The following NCALD variants were observed in gnomAD, a reference collection of about 807,000 sequenced individuals.
NCALD encodes neurocalcin-delta.
In NCALD, 10 loss-of-function variants were observed where a neutral mutation model predicts 18.6. The observed-to-expected ratio is 0.54, with a 90% CI of 0.33 to 0.91. The LOEUF (loss-of-function observed/expected upper bound fraction) is 0.91. NCALD is among the 40% of genes least tolerant of loss of function. The pLI, the probability that NCALD is intolerant of heterozygous loss-of-function variation, is 0.03. For synonymous variants in NCALD, 88 were observed against 87.4 expected, an observed-to-expected ratio of 1.01 and a Z score of -0.04; for missense variants, 184 against 247.6, an observed-to-expected ratio of 0.74 and a Z score of 1.72.
intron 4 of NCALD, among the ~76,000 whole-genome samples, chr8:101,851,958 T>C (rs1301838634): frequency 6.6e-6 from 1 of 152,150 alleles, no homozygotes; most frequent in Non-Finnish European, 1.5e-5. Context: ...CTTATAAAAC[T>C]GGATGAAGGG....
chr8:102,049,884 C>T (rs1823371887), intron 1 of NCALD, among the ~76,000 whole-genome samples: 1 of 151,924 alleles, frequency 6.6e-6, no homozygotes, highest in South Asian at 2.1e-4. Flanking sequence ...TGTTTTCGGC[C>T]GGGCGCGGTG....
intron 4 of NCALD, among the ~76,000 whole-genome samples, chr8:101,862,080 T>C (rs1057307185): frequency 3.3e-5 from 5 of 152,242 alleles, no homozygotes; most frequent in Admixed American, 6.5e-5. Flanking sequence ...GACTGTTGCA[T>C]TCCATGATAC....
intron 2 of NCALD, among the ~76,000 whole-genome samples, chr8:101,711,096 A>C (rs1254824322): frequency 6.6e-6 from 1 of 152,200 alleles, no homozygotes; most frequent in East Asian, 1.9e-4. Flanking sequence ...GCTATTCTGC[A>C]GCCTCTGCTG....
intron 2 of NCALD, among the ~76,000 whole-genome samples, chr8:101,705,516 C>T (rs987269180): frequency 3.3e-5 from 5 of 152,074 alleles, no homozygotes; most frequent in Admixed American, 1.3e-4. Context: ...CTGCCTTTCT[C>T]GAGGTAAACT....
intron 1 of NCALD, among the ~76,000 whole-genome samples, chr8:102,035,705 G>A (rs1433868508): frequency 6.6e-6 from 1 of 152,082 alleles, no homozygotes; most frequent in Non-Finnish European, 1.5e-5. Flanking sequence ...TGAACCAAAA[G>A]ATTCTCTCCC....
intron 3 of NCALD, among the ~76,000 whole-genome samples, chr8:101,889,928 C>A (rs1286002468): frequency 6.6e-6 from 1 of 152,130 alleles, no homozygotes; most frequent in Non-Finnish European, 1.5e-5. Context: ...GAAGAAAATA[C>A]AGGGAAACAT....
intron 1 of NCALD, among the ~76,000 whole-genome samples, chr8:102,036,984 T>A (rs932179703): frequency 6.6e-6 from 1 of 152,018 alleles, no homozygotes; most frequent in African/African-American, 2.4e-5. Flanking sequence ...AAGAAAAAAA[T>A]TTTTAGTCGG....
At chr8:101,808,013 T>C (rs968717144) in intron 4 of NCALD, among the ~76,000 whole-genome samples, 2 of 151,744 alleles carry the variant, frequency 1.3e-5, no homozygotes, top group African/African-American at 2.4e-5. Context: ...TTTGAACAAA[T>C]TAATAAAAGT....
At chr8:101,927,079 T>C (rs1463713477) in intron 2 of NCALD, among the ~76,000 whole-genome samples, 1 of 152,108 alleles carries the variant, frequency 6.6e-6, no homozygotes, top group Admixed American at 6.5e-5. Flanking sequence ...TGCAGTCACT[T>C]CCCACCAGGG....
intron 2 of NCALD, among the ~76,000 whole-genome samples, chr8:101,941,442 G>T (rs1435825704): frequency 6.6e-6 from 1 of 152,200 alleles, no homozygotes; most frequent in Non-Finnish European, 1.5e-5. Context: ...GGGCAACCTG[G>T]TTCCTAACAG....
intron 4 of NCALD, among the ~76,000 whole-genome samples, chr8:101,854,139 G>T (rs778433027): frequency 6.6e-6 from 1 of 152,194 alleles, no homozygotes; most frequent in South Asian, 2.1e-4. Context: ...TACTCAGAAA[G>T]GAGAGAGTAT....
chr8:102,110,296 A>G (rs1213350819), intron 1 of NCALD, among the ~76,000 whole-genome samples: 1 of 152,250 alleles, frequency 6.6e-6, no homozygotes, highest in Non-Finnish European at 1.5e-5. Context: ...AAAATTAGGA[A>G]GAGAAGAAAT....
At chr8:101,924,901 G>C (rs1295397595) in intron 2 of NCALD, among the ~76,000 whole-genome samples, 2 of 152,098 alleles carry the variant, frequency 1.3e-5, no homozygotes, top group Admixed American at 1.3e-4. Context: ...AGAGGATTCA[G>C]GCTTCCCTTA....
intron 4 of NCALD, among the ~76,000 whole-genome samples, chr8:101,856,248 T>A (rs1815316474): frequency 1.3e-5 from 2 of 152,174 alleles, no homozygotes; most frequent in African/African-American, 4.8e-5. Flanking sequence ...CTTGACTCAC[T>A]GCAACCTCCA....
intron 2 of NCALD, among the ~76,000 whole-genome samples, chr8:101,981,814 TC>T (rs1267484156): frequency 2.6e-5 from 4 of 152,186 alleles, no homozygotes; most frequent in African/African-American, 9.7e-5. Context: ...GTAGTTCACG[TC>T]CTTATTTTGG....
intron 4 of NCALD, among the ~76,000 whole-genome samples, chr8:101,796,411 G>A (rs1330450780): frequency 6.6e-6 from 1 of 152,082 alleles, no homozygotes; most frequent in African/African-American, 2.4e-5. Flanking sequence ...TCATCAGACA[G>A]GGACTTTAAA....
chr8:101,721,058 A>T (rs999536456), intron 1 of NCALD, among the ~76,000 whole-genome samples: 1 of 152,166 alleles, frequency 6.6e-6, no homozygotes. Context: ...GGAGGAGGTG[A>T]TATACGAGAT....
At position 101,733,633 on chromosome 8, in the gene NCALD, C is replaced by T. The variant is rs984480151; in HGVS notation, c.-19-13985G>A. ...GGTTGGGTTGTTTACAACGATGAGC[C>T]CTCCAGAGTTGGGGACATTCTCCCC... On this transcript the variant is annotated intron_variant, in intron 1 of 3. Transcript: ENST00000220931. 2.0e-5 allele frequency among the ~76,000 whole-genome samples: 3 copies of T among 152,062 alleles called. No individual in the cohort carries two copies. In the South Asian group the frequency reaches 6.2e-4, roughly 32 times the overall value.
At chr8:101,837,634 C>T (rs1814467200) in intron 4 of NCALD, among the ~76,000 whole-genome samples, 1 of 152,204 alleles carries the variant, frequency 6.6e-6, no homozygotes, top group Non-Finnish European at 1.5e-5. Context: ...CACATACAGG[C>T]CACTGAGATT....
Sources: allele counts gnomAD v4.1 joint callset (sites outside exome capture counted in the v4.1 genomes callset), GRCh38; gene constraint gnomAD v4.1.1; transcripts MANE v1.5; gene names NCBI Gene and HGNC (gene_info 2026-07-23, HGNC 2026-07-21).